The following MYO19 variants were observed in gnomAD, a reference collection of about 807,000 sequenced individuals.
MYO19 encodes unconventional myosin-XIX.
In MYO19, 132 loss-of-function variants were observed where a neutral mutation model predicts 129.2. The observed-to-expected ratio is 1.02, with a 90% CI of 0.89 to 1.18. The LOEUF is 1.18. Among genes scored for constraint, MYO19 ranks in the 50% most tolerant of loss-of-function variants. The probability of loss-of-function intolerance (pLI) is 0.00; values close to 1 mark genes in which losing one functional copy is unlikely to be tolerated. For missense variants in MYO19, 1,210 were observed against 1,216.7 expected (o/e 0.99, Z 0.08); for synonymous variants, 531 against 477.2 (o/e 1.11, Z -1.47).
In MYO19 at chr17:36,498,501, GAGA is replaced by G; in HGVS notation, c.2519_2521del (p.Phe840del). 1 of 1,614,052 alleles carries G rather than the reference GAGA, an allele frequency of 6.2e-7. No homozygotes were observed. On this transcript the variant is annotated inframe_deletion, in exon 25 of 26. Coordinates refer to ENST00000614623, the MANE Select transcript of MYO19 (RefSeq NM_001163735.2). ...GGTGCTCAGGGAACAGGGAGCTTGA[GAGA>G]AGTGTTTTTCTTCCACACCATCCAG...
At chr17:36,541,166 G>C (rs368579654) in intron 2 of MYO19, among the ~76,000 whole-genome samples, 5 of 151,770 alleles carry the variant, frequency 3.3e-5, no homozygotes, top group African/African-American at 1.2e-4. Context: ...AAGATGGTCT[G>C]GATCTCCTGA....
At chr17:36,502,155 C>G (rs964028374) in intron 21 of MYO19, among the ~76,000 whole-genome samples, 1 of 151,442 alleles carries the variant, frequency 6.6e-6, no homozygotes, top group Admixed American at 6.6e-5. Context: ...CGAGGCGGGG[C>G]CCCCCGGCAG....
chr17:36,532,527 C>G lies in MYO19; in HGVS notation c.12G>C (p.Gln4His). Residue 4 changes from glutamine (Q) to histidine (H), a missense_variant and splice_region_variant, in exon 3 of 26, where the codon CAG (glutamine) becomes CAC (histidine). By Grantham distance (24) the Gln-to-His change is conservative. Transcript: ENST00000614623. ...GGGTTATCTAAGGTTGAGGTTTTAC[C>G]TGCTGGAGCATCCTCCTTCAAAGTG... is the stretch of plus-strand genomic sequence containing the variant. MLQ[Q>H]VNGHNPGSDG... The G allele has an allele frequency of 6.4e-7, 1 of 1,554,922 alleles. No individual in the cohort carries two copies. The highest frequency in any genetic ancestry group is 8.7e-7 in the Non-Finnish European group (1 of 1,148,744).
intron 3 of MYO19, 29 bp from the exon 4 acceptor site, chr17:36,528,231 A>G: frequency 3.9e-6 from 6 of 1,549,406 alleles, no homozygotes; most frequent in Non-Finnish European, 5.2e-6. Flanking sequence ...AGGTGAGGCC[A>G]GGCACAGTGG....
chr17:36,510,710 G>C, intron 13 of MYO19, 36 bp downstream of exon 13: 1 of 1,554,204 alleles, frequency 6.4e-7, no homozygotes, highest in Non-Finnish European at 8.7e-7. Flanking sequence ...CACTTGTCGG[G>C]GTCCTCCCCA....
intron 6 of MYO19, among the ~76,000 whole-genome samples, chr17:36,524,300 T>C (rs2073327408): frequency 6.6e-6 from 1 of 152,218 alleles, no homozygotes; most frequent in Non-Finnish European, 1.5e-5. Flanking sequence ...TGTTGCATTT[T>C]TCATCCCCCT....
intron 9 of MYO19, 149 bp from the exon 10 acceptor site, chr17:36,513,874 G>A (rs1183410549): frequency 1.5e-6 from 1 of 672,094 alleles, no homozygotes; most frequent in Non-Finnish European, 2.5e-6. Context: ...GCAGGTATGG[G>A]GGCAAAAGAT....
At chr17:36,512,372 A>G (rs2072408759) in intron 11 of MYO19, among the ~76,000 whole-genome samples, 1 of 148,988 alleles carries the variant, frequency 6.7e-6, no homozygotes, top group African/African-American at 2.5e-5. Flanking sequence ...CTGGGCAACT[A>G]GAGTAAAACT....
At chr17:36,543,868 C>T (rs2074216815), upstream of MYO19, among the ~76,000 whole-genome samples, 1 of 151,996 alleles carries the variant, frequency 6.6e-6, no homozygotes, top group Admixed American at 6.6e-5. Context: ...CTCAGGTGAT[C>T]CACCCACCTC....
intron 11 of MYO19, among the ~76,000 whole-genome samples, chr17:36,512,152 A>C (rs2072375326): frequency 6.6e-6 from 1 of 151,372 alleles, no homozygotes; most frequent in East Asian, 1.9e-4. Context: ...GAAGTTTAAG[A>C]CCAGCCTGAC....
At chr17:36,526,276 C>T (rs182848672) in intron 5 of MYO19, among the ~76,000 whole-genome samples, 1 of 152,286 alleles carries the variant, frequency 6.6e-6, no homozygotes, top group African/African-American at 2.4e-5. Flanking sequence ...GATGAAGATG[C>T]TCTGCAGATT....
chr17:36,540,065 CAG>C (rs775197229), intron 2 of MYO19, among the ~76,000 whole-genome samples: 2 of 151,848 alleles, frequency 1.3e-5, no homozygotes, highest in Non-Finnish European at 2.9e-5. Flanking sequence ...AGGCTGAACA[CAG>C]AAGAAGGAAG....
At position 36,532,520 on chromosome 17, in the gene MYO19, GT is replaced by G; in HGVS notation, c.12+6del. The G allele has an allele frequency of 6.4e-7, 1 of 1,554,854 alleles. No individual in the cohort carries two copies. The highest frequency in any genetic ancestry group is 2.4e-5 in the East Asian group (1 of 41,320). ...AGGGCCTGGGTTATCTAAGGTTGAGGTTTTACCTGCTGGAGCATCCTCCTTC... is the reference window on the plus strand; with the variant it reads ...AGGGCCTGGGTTATCTAAGGTTGAGGTTTACCTGCTGGAGCATCCTCCTTC... On this transcript the variant is annotated splice_donor_region_variant and intron_variant, in intron 3 of 25. Transcript: ENST00000614623.
chr17:36,510,937 T>C lies in MYO19; in HGVS notation c.986-20A>G, dbSNP rs930563116. The C allele has an allele frequency of 9.0e-6, 14 of 1,554,846 alleles. No individual in the cohort carries two copies. The highest frequency in any genetic ancestry group is 1.1e-5 in the Non-Finnish European group (13 of 1,147,550). ...CAGAGTCTGGGAGGGGCAAATCCTC[T>C]TTAGGCAAATCACTCTCCATCCAGT... is the stretch of plus-strand genomic sequence containing the variant. On this transcript the variant is annotated intron_variant, in intron 12 of 25. Coordinates refer to ENST00000614623, the MANE Select transcript of MYO19 (RefSeq NM_001163735.2).
At chr17:36,497,455 A>T (rs2071092414) in intron 25 of MYO19, among the ~76,000 whole-genome samples, 2 of 151,402 alleles carry the variant, frequency 1.3e-5, no homozygotes, top group African/African-American at 4.9e-5. Context: ...GAGGTAACAA[A>T]CTCCTCACAA....
intron 6 of MYO19, among the ~76,000 whole-genome samples, chr17:36,518,493 A>G (rs2072905925): frequency 6.5e-4 from 3 of 4,624 alleles, no homozygotes; most frequent in Non-Finnish European, 9.5e-4. Flanking sequence ...TCAGAGGAAA[A>G]AAAAAAAAAA....
rs778874701 is a variant in MYO19, at chr17:36,496,223, G to C, written c.*28C>G. 8 of 1,611,828 alleles carry C rather than the reference G, an allele frequency of 5.0e-6. No individual in the cohort carries two copies. The South Asian group carries it at 8.8e-5, about 18-fold the overall frequency. On this transcript the variant is annotated 3_prime_UTR_variant, in exon 26 of 26. Coordinates refer to ENST00000614623, the MANE Select transcript of MYO19 (RefSeq NM_001163735.2). ...TTTGGCAAGGCAGGGGGCAGGAAAA[G>C]GCCTTGTGGAAACAAAGGCACCAAG...
chr17:36,506,746 C>T (rs888005482), intron 17 of MYO19, 138 bp from the exon 18 acceptor site: 1 of 1,172,722 alleles, frequency 8.5e-7, no homozygotes, highest in Non-Finnish European at 1.2e-6. Context: ...CATTGGACAA[C>T]CAGAGACCTG....
chr17:36,518,579 CATAAAAGTATGTATATATAT>C (rs1304204274), intron 6 of MYO19, among the ~76,000 whole-genome samples: 105 of 94,998 alleles, frequency 1.1e-3, no homozygotes, highest in African/African-American at 4.1e-3. Flanking sequence ...TATGTATATA[CATAAAAGTATGTATATATAT>C]ATAAAAGTAT....
Sources: allele counts gnomAD v4.1 joint callset (sites outside exome capture counted in the v4.1 genomes callset), GRCh38; gene constraint gnomAD v4.1.1; transcripts MANE v1.5; gene names NCBI Gene and HGNC (gene_info 2026-07-23, HGNC 2026-07-21).